The following TRAK1 variants were observed in gnomAD, a reference collection of about 807,000 sequenced individuals.
The protein encoded by TRAK1 is trafficking kinesin-binding protein 1.
TRAK1 carries 33 observed loss-of-function variants against 92.1 expected under a neutral mutation model. The observed-to-expected ratio is 0.36, with a 90% confidence interval of 0.27 to 0.48. TRAK1 has a LOEUF of 0.48. Ranked by LOEUF, TRAK1 falls within the 20% of genes least tolerant of loss-of-function variation. The probability of loss-of-function intolerance (pLI) is 0.99; values close to 1 mark genes in which losing one functional copy is unlikely to be tolerated. For synonymous variants in TRAK1, 521 were observed against 517.3 expected, an observed-to-expected ratio of 1.01 and a Z score of -0.10; for missense variants, 1,123 against 1,257.9, an observed-to-expected ratio of 0.89 and a Z score of 1.62.
At chr3:42,059,811 G>A (rs569629054) in intron 1 of TRAK1, among the ~76,000 whole-genome samples, 9 of 152,256 alleles carry the variant, frequency 5.9e-5, no homozygotes, top group African/African-American at 2.2e-4. Context: ...GTTTGCTTGT[G>A]GTACTTCAGT....
intron 2 of TRAK1, chr3:42,146,450 GAT>G (rs1699341698): frequency 1.8e-5 from 3 of 163,722 alleles, no homozygotes; most frequent in Middle Eastern, 6.2e-3. Flanking sequence ...TACTGTGAAG[GAT>G]ACAGATGAAG....
At chr3:42,208,190 C>T (rs1261396586) in intron 13 of TRAK1, among the ~76,000 whole-genome samples, 1 of 152,064 alleles carries the variant, frequency 6.6e-6, no homozygotes, top group Non-Finnish European at 1.5e-5. Context: ...AGAATATTTT[C>T]TATTTATATT....
chr3:42,064,938 A>C (rs1410822698), intron 1 of TRAK1, among the ~76,000 whole-genome samples: 2 of 152,122 alleles, frequency 1.3e-5, no homozygotes, highest in Non-Finnish European at 2.9e-5. Context: ...CTATAGTCCT[A>C]GCTACGCAGG....
intron 14 of TRAK1, 141 bp from the exon 15 acceptor site, chr3:42,219,353 T>G (rs938007835): frequency 4.5e-6 from 7 of 1,546,428 alleles, no homozygotes; most frequent in Non-Finnish European, 6.1e-6. Flanking sequence ...TCCAGAACAT[T>G]TGCGTTTCAC....
chr3:42,191,638 T>A lies in TRAK1; in HGVS notation c.769+2T>A, dbSNP rs1184851308. 6.3e-7 allele frequency: 1 copy of A among 1,597,162 alleles called. No homozygotes were observed. The highest frequency in any genetic ancestry group is 8.5e-7 in the Non-Finnish European group (1 of 1,171,582). On this transcript the variant is annotated splice_donor_variant, in intron 7 of 15. Coordinates refer to ENST00000327628, the MANE Select transcript of TRAK1 (RefSeq NM_001042646.3). LOFTEE classifies it high-confidence loss of function. Reference sequence around the variant, plus strand: ...TCAATGACTGCGTGAAGGAGCTGAGTATGTCCCCGCACTGCTGTCTTCTTA... The same window carrying A: ...TCAATGACTGCGTGAAGGAGCTGAGAATGTCCCCGCACTGCTGTCTTCTTA...
At chr3:42,212,743 T>C in intron 14 of TRAK1, 1 of 259,552 alleles carries the variant, frequency 3.9e-6, no homozygotes, top group Non-Finnish European at 6.0e-6. Flanking sequence ...TTTAGGCATT[T>C]GTGTGGGGAA....
intron 10 of TRAK1, among the ~76,000 whole-genome samples, chr3:42,196,338 A>G (rs1022283190): frequency 2.0e-5 from 3 of 152,144 alleles, no homozygotes; most frequent in African/African-American, 4.8e-5. Context: ...TATGTTCCCA[A>G]TTCTCTTGCC....
intron 14 of TRAK1, chr3:42,211,133 G>A (rs753343951): frequency 6.1e-6 from 6 of 985,162 alleles, no homozygotes; most frequent in Non-Finnish European, 7.2e-6. Context: ...AAGTGAGGAC[G>A]TTTATCTTTG....
In TRAK1 at chr3:42,184,732, G is replaced by A. The variant is rs1360319647; in HGVS notation, c.411G>A (p.Leu137=). ...CCGCTCGCATCGGCCAGTCGTTGTT[G>A]AAGAAGAACAAGACCCTAACCGAGA... ...ELAARIGQSL[L]KKNKTLTERN... Residue 137 remains leucine, a synonymous_variant, in exon 4 of 16, where the codon TTG becomes TTA. Coordinates refer to ENST00000327628, the MANE Select transcript of TRAK1 (RefSeq NM_001042646.3). The A allele has an allele frequency of 4.3e-6, 7 of 1,614,082 alleles. No homozygotes were observed. Among genetic ancestry groups the A allele is most frequent in the Non-Finnish European group, 5.1e-6 (6 of 1,180,046 alleles).
At chr3:42,092,711 G>GTGTTGTGTTATGTTATGATATGTTA (rs1400587515) in intron 1 of TRAK1, among the ~76,000 whole-genome samples, 1 of 101,068 alleles carries the variant, frequency 9.9e-6, no homozygotes, top group African/African-American at 3.2e-5. Flanking sequence ...GTGTTGTGTT[G>GTGTTGTGTTATGTTATGATATGTTA]TGTTATGTTA....
chr3:42,099,856 C>A (rs1706486017), intron 1 of TRAK1, among the ~76,000 whole-genome samples: 1 of 152,148 alleles, frequency 6.6e-6, no homozygotes, highest in African/African-American at 2.4e-5. Flanking sequence ...GCAAAGCTGA[C>A]TTTGTGACAG....
intron 10 of TRAK1, among the ~76,000 whole-genome samples, chr3:42,196,560 C>T (rs1432914854): frequency 1.5e-5 from 2 of 134,482 alleles, no homozygotes; most frequent in South Asian, 2.4e-4. Flanking sequence ...TTTTTTGAGA[C>T]GGAGTCTTGC....
chr3:42,138,059 G>GAGA (rs1698171344), intron 2 of TRAK1, among the ~76,000 whole-genome samples: 1 of 152,142 alleles, frequency 6.6e-6, no homozygotes. Context: ...TAGGCATTAA[G>GAGA]AGAATAGGGA....
intron 1 of TRAK1, among the ~76,000 whole-genome samples, 190 bp from the exon 2 acceptor site, chr3:42,125,230 A>C (rs1254389848): frequency 6.6e-6 from 1 of 152,234 alleles, no homozygotes; most frequent in African/African-American, 2.4e-5. Context: ...TCTTGGCCGT[A>C]AGCATGCACA....
chr3:42,069,709 T>C (rs1219445333), intron 1 of TRAK1, among the ~76,000 whole-genome samples: 1 of 152,224 alleles, frequency 6.6e-6, no homozygotes, highest in Non-Finnish European at 1.5e-5. Flanking sequence ...AGACATGATA[T>C]ATGGGAGGAC....
At chr3:42,177,028 T>G in intron 3 of TRAK1, 138 bp downstream of exon 3, 1 of 744,056 alleles carries the variant, frequency 1.3e-6, no homozygotes, top group Non-Finnish European at 2.2e-6. Flanking sequence ...TTTAATGGCT[T>G]TACTTTTTGA....
chr3:42,220,387 C>T (rs1357254106), intron 15 of TRAK1: 21 of 714,336 alleles, frequency 2.9e-5, no homozygotes, highest in South Asian at 6.2e-5. Context: ...GTAGAACGAC[C>T]CCCTCAGCTG....
chr3:42,123,259 C>A (rs1300227454), intron 1 of TRAK1, among the ~76,000 whole-genome samples: 1 of 152,214 alleles, frequency 6.6e-6, no homozygotes. Context: ...TGGCATTGCT[C>A]TTCTTCCAGG....
intron 1 of TRAK1, among the ~76,000 whole-genome samples, chr3:42,028,424 A>T (rs961889796): frequency 9.9e-5 from 15 of 152,236 alleles, no homozygotes; most frequent in African/African-American, 3.6e-4. Context: ...GCACTGAGTT[A>T]TGACAGTAAA....
Sources: gnomAD v4.1 joint callset for allele counts (sites outside exome capture counted in the v4.1 genomes callset) on GRCh38, gnomAD v4.1.1 for gene constraint, MANE v1.5 for transcripts, NCBI Gene and HGNC (gene_info 2026-07-23, HGNC 2026-07-21) for gene names.